The following SLC1A7 variants were observed in gnomAD, a reference collection of about 807,000 sequenced individuals.
The protein encoded by SLC1A7 is excitatory amino acid transporter 5.
SLC1A7 carries 40 observed loss-of-function variants against 47.7 expected under a neutral mutation model. The observed-to-expected ratio is 0.84, with a 90% CI of 0.65 to 1.09. The LOEUF is 1.09. Ranked by LOEUF, SLC1A7 falls within the 50% of genes least tolerant of loss-of-function variation. The probability of loss-of-function intolerance (pLI) is 0.00; values close to 1 mark genes in which losing one functional copy is unlikely to be tolerated. For synonymous variants in SLC1A7, 323 were observed against 325.6 expected, an observed-to-expected ratio of 0.99 and a Z score of 0.09; for missense variants, 746 against 769.5, an observed-to-expected ratio of 0.97 and a Z score of 0.36.
chr1:53,096,579 C>T (rs541875224), intron 5 of SLC1A7, among the ~76,000 whole-genome samples: 55 of 150,614 alleles, frequency 3.7e-4, no homozygotes, highest in South Asian at 6.4e-4. Flanking sequence ...CACTCCACTT[C>T]GATACACTCA....
Position 53,128,864 on chromosome 1 carries a change from A to T in SLC1A7, c.215+5486T>A, listed in dbSNP as rs181432692. 5.1e-4 allele frequency among the ~76,000 whole-genome samples: 72 copies of T among 142,158 alleles called. 9 individuals are homozygous for T. The highest frequency in any genetic ancestry group is 1.9e-3 in the African/African-American group (72 of 38,466). The allele number at this position is 142,158 out of a possible 152,430, so 93.3% of individuals were successfully genotyped here. On this transcript the variant is annotated intron_variant, in intron 2 of 10. Coordinates refer to ENST00000371494, the MANE Select transcript of SLC1A7 (RefSeq NM_006671.6). ...CATGACACATCTGAGGAGCCTGGTG[A>T]TGCTTTAATAAGTTAGAAAAACATG...
At chr1:53,116,998 G>A (rs959502064) in intron 2 of SLC1A7, among the ~76,000 whole-genome samples, 1 of 152,244 alleles carries the variant, frequency 6.6e-6, no homozygotes, top group Non-Finnish European at 1.5e-5. Context: ...CCTGGACTAT[G>A]TGGGAGCATC....
Position 53,114,781 on chromosome 1 carries a change from G to C in SLC1A7, c.408C>G (p.Ala136=), listed in dbSNP as rs758167472. The change falls in exon 3 of 11, where the codon GCC becomes GCG. Residue 136 remains alanine (A), a synonymous_variant. Coordinates refer to ENST00000371494, the MANE Select transcript of SLC1A7 (RefSeq NM_006671.6). ...EQSGKPIMSS[A]DALLDLIRNM... ...ACCGGATGAGGTCCAACAGGGCATC[G>C]GCTGAGCTCATGATGGGCTTCCCAC... The C allele has an allele frequency of 1.2e-6, 2 of 1,614,058 alleles. No individual in the cohort carries two copies. The highest frequency in any genetic ancestry group is 1.7e-6 in the Non-Finnish European group (2 of 1,180,004).
chr1:53,103,513 G>T lies in SLC1A7; in HGVS notation c.530C>A (p.Ala177Asp). The change falls in exon 5 of 11, where the codon GCC becomes GAC. Residue 177 changes from alanine (A) to aspartate (D), a missense_variant. By Grantham distance (126) the Ala-to-Asp change is moderately radical. Coordinates refer to ENST00000371494, the MANE Select transcript of SLC1A7 (RefSeq NM_006671.6). ...GTAGATGAGGATCCGCCGAGGAGGG[G>T]CCTCCTCTGGTGCCACCTTGGGGGA... ...VKSPKVAPEE[A>D]PPRRILIYGV... 8 of 1,612,282 alleles carry T rather than the reference G, an allele frequency of 5.0e-6. No homozygotes were observed. Among genetic ancestry groups the T allele is most frequent in the Non-Finnish European group, 6.8e-6 (8 of 1,179,060 alleles).
At chr1:53,089,982 C>T in intron 8 of SLC1A7, 48 bp from the exon 9 acceptor site, 1 of 1,604,836 alleles carries the variant, frequency 6.2e-7, no homozygotes, top group African/African-American at 1.3e-5. Context: ...GGGCAGGGTG[C>T]ATTGTCAGGG....
intron 2 of SLC1A7, among the ~76,000 whole-genome samples, chr1:53,130,248 A>C (rs1322809287): frequency 6.6e-6 from 1 of 152,212 alleles, no homozygotes; most frequent in Non-Finnish European, 1.5e-5. Context: ...TTAAATTAAA[A>C]GAATTAAAAG....
In SLC1A7 at chr1:53,090,778, A is replaced by C; in HGVS notation, c.1060T>G (p.Cys354Gly). The C allele has an allele frequency of 6.2e-7, 1 of 1,613,056 alleles. No individual in the cohort carries two copies. Among genetic ancestry groups the C allele is most frequent in the South Asian group, 1.1e-5 (1 of 90,770 alleles). The change falls in exon 8 of 11, where the codon TGC becomes GGC. Residue 354 changes from cysteine to glycine, a missense_variant. By Grantham distance (159) the Cys-to-Gly change is radical. Transcript: ENST00000371494. ...SSATLPITFK[C>G]LLENNHIDRR... ...TCGATGTGGTTGTTCTCCAGCAGGC[A>C]CTTGAAGGTGATGGGCAGTGTGGCT... is the stretch of plus-strand genomic sequence containing the variant.
intron 5 of SLC1A7, among the ~76,000 whole-genome samples, chr1:53,094,385 G>C (rs1419120630): frequency 6.6e-6 from 1 of 152,222 alleles, no homozygotes; most frequent in African/African-American, 2.4e-5. Context: ...TCCTGAAACA[G>C]GGACTGAGTG....
chr1:53,093,354 C>T (rs1644446949), intron 6 of SLC1A7, 107 bp downstream of exon 6: 3 of 930,016 alleles, frequency 3.2e-6, no homozygotes, highest in Non-Finnish European at 4.9e-6. Context: ...AGGGCTGAGC[C>T]TGGGCACAGC....
rs879675857 is a variant in SLC1A7, at chr1:53,128,965, G to A, written c.215+5385C>T. Among the ~76,000 whole-genome samples, 10 of 141,210 alleles carry A rather than the reference G, an allele frequency of 7.1e-5. 2 individuals are homozygous for A. Among genetic ancestry groups the A allele is most frequent in the Non-Finnish European group, 1.4e-4 (9 of 64,030 alleles). 92.6% of individuals were successfully genotyped at this position (141,210 alleles called of 152,430 possible). A position where few individuals can be genotyped will look rare whatever the true frequency, so the allele number is the denominator to read the frequency against. ...AGGCCAAGGTGGGCGGATCACCTGAGGTCAGGAGTTCGAGACCAGCCTGGC... is the reference window on the plus strand; with the variant it reads ...AGGCCAAGGTGGGCGGATCACCTGAAGTCAGGAGTTCGAGACCAGCCTGGC... On this transcript the variant is annotated intron_variant, in intron 2 of 10. Transcript: ENST00000371494.
At chr1:53,119,940 T>C (rs1051281212) in intron 2 of SLC1A7, among the ~76,000 whole-genome samples, 4 of 152,142 alleles carry the variant, frequency 2.6e-5, no homozygotes, top group African/African-American at 9.7e-5. Context: ...GGCTGGGTGC[T>C]CCTGGGAGCA....
intron 5 of SLC1A7, among the ~76,000 whole-genome samples, chr1:53,101,278 TCGCACACCCCACC>T (rs1198979911): frequency 8.1e-6 from 1 of 123,004 alleles, no homozygotes; most frequent in Non-Finnish European, 1.8e-5. Flanking sequence ...CTCGGTACAC[TCGCACACCCCACC>T]TCGGTACACT....
intron 1 of SLC1A7, among the ~76,000 whole-genome samples, chr1:53,138,109 C>G (rs185260718): frequency 9.9e-5 from 15 of 152,228 alleles, no homozygotes; most frequent in African/African-American, 3.4e-4. Context: ...AATAATTTCC[C>G]CTCAGGTTTA....
rs753625746 is a variant in SLC1A7 at position 53,088,101 on chromosome 1, C to T, written c.1591G>A (p.Val531Ile). ...LTLGPTCPHH[V>I]PVQVEQDEEL... Reference sequence around the variant, plus strand: ...TCATCCTGCTCCACTTGAACGGGGACGTGGTGGGGGCAGGTGGGGCCCAGG... The same window carrying T: ...TCATCCTGCTCCACTTGAACGGGGATGTGGTGGGGGCAGGTGGGGCCCAGG... The change falls in exon 11 of 11, where the codon GTC (valine) becomes ATC (isoleucine). Residue 531 changes from valine (V) to isoleucine (I), a missense_variant. Physicochemically the swap from Val to Ile is conservative, Grantham distance 29. Transcript: ENST00000371494. 5.0e-6 allele frequency: 8 copies of T among 1,611,740 alleles called. No homozygotes were observed. Among genetic ancestry groups the T allele is most frequent in the East Asian group, 2.2e-5 (1 of 44,806 alleles).
intron 5 of SLC1A7, among the ~76,000 whole-genome samples, chr1:53,097,410 A>C (rs80108767): frequency 1.2e-4 from 11 of 94,506 alleles, no homozygotes; most frequent in Non-Finnish European, 2.6e-4. Context: ...CACACAACCC[A>C]CCTTGGTACA....
chr1:53,137,161 C>A (rs1347777261), intron 1 of SLC1A7, among the ~76,000 whole-genome samples: 1 of 151,962 alleles, frequency 6.6e-6, no homozygotes, highest in Non-Finnish European at 1.5e-5. Flanking sequence ...GTGGTGCATG[C>A]CTGTAGTCCC....
In SLC1A7 at chr1:53,142,500, G is replaced by A. The variant is rs561822567; in HGVS notation, c.-51C>T. On this transcript the variant is annotated 5_prime_UTR_variant, in exon 1 of 11. Transcript: ENST00000371494. ...GCACAGCACCATTCCACGCATGAGA[G>A]CCCGGCCGGGGGCACAGGGTCTGGG... The A allele has an allele frequency of 3.8e-5, 60 of 1,590,848 alleles. No individual in the cohort carries two copies. In the East Asian group the frequency reaches 1.2e-3, roughly 33 times the overall value.
At chr1:53,107,070 T>C (rs1644650698) in intron 3 of SLC1A7, among the ~76,000 whole-genome samples, 1 of 148,168 alleles carries the variant, frequency 6.7e-6, no homozygotes, top group Non-Finnish European at 1.5e-5. Context: ...GCTGCAGAAT[T>C]GCTTGAACCC....
chr1:53,108,137 A>C lies in SLC1A7; in HGVS notation c.432-2363T>G, dbSNP rs74085595. 2.2e-3 allele frequency: 393 copies of C among 179,012 alleles called. 2 individuals carry two copies. The highest frequency in any genetic ancestry group is 6.0e-3 in the African/African-American group (252 of 41,678). The allele number at this position is 179,012 out of a possible 1,614,324, so 11.1% of individuals were successfully genotyped here. ...GGAGTGTGTCTTGTGAGAAATGCCAACTCTGAGGTGAGCATCTGGTAAGAG... is the reference window on the plus strand; with the variant it reads ...GGAGTGTGTCTTGTGAGAAATGCCACCTCTGAGGTGAGCATCTGGTAAGAG... On this transcript the variant is annotated intron_variant, in intron 3 of 10. Transcript: ENST00000371494.
Sources: allele counts gnomAD v4.1 joint callset (sites outside exome capture counted in the v4.1 genomes callset), GRCh38; gene constraint gnomAD v4.1.1; transcripts MANE v1.5; gene names NCBI Gene and HGNC (gene_info 2026-07-23, HGNC 2026-07-21).